PAX6: variants seen among roughly 807,000 people sequenced by gnomAD.
The protein encoded by PAX6 is paired box protein Pax-6.
PAX6 carries 7 observed loss-of-function variants against 60.7 expected under a neutral mutation model. The observed-to-expected ratio is 0.12, with a 90% CI of 0.07 to 0.22. The LOEUF (loss-of-function observed/expected upper bound fraction) is 0.22. Among genes scored for constraint, PAX6 ranks in the 10% least tolerant of loss-of-function variants. The probability of loss-of-function intolerance (pLI) is 1.00; values close to 1 mark genes in which losing one functional copy is unlikely to be tolerated. For synonymous variants in PAX6, 208 were observed against 201.2 expected, an observed-to-expected ratio of 1.03 and a Z score of -0.29; for missense variants, 355 against 555.2, an observed-to-expected ratio of 0.64 and a Z score of 3.62.
At chr11:31,797,507 G>GA (rs36004875) in intron 8 of PAX6, among the ~76,000 whole-genome samples, 76,003 of 101,268 alleles carry the variant, frequency 0.75, 28,576 homozygotes, top group East Asian at 0.84. Context: ...TTTAAATCTG[G>GA]AAAAAAAAAA....
upstream of PAX6, chr11:31,814,252 T>G (rs1436413234): frequency 6.6e-6 from 1 of 152,190 alleles, no homozygotes; most frequent in East Asian, 1.9e-4. Context: ...GGAGTCCCGC[T>G]GGGGGACCGT....
At chr11:31,814,132 C>T (rs1163839767), upstream of PAX6, 1 of 152,136 alleles carries the variant, frequency 6.6e-6, no homozygotes, top group Admixed American at 6.5e-5. Context: ...CCTGTTCCCC[C>T]CTACCCTCCG....
At chr11:31,810,786 T>C in intron 2 of PAX6, 42 bp downstream of exon 2, 2 of 399,036 alleles carry the variant, frequency 5.0e-6, no homozygotes, top group Non-Finnish European at 8.8e-6. Flanking sequence ...CCTGTCTGAA[T>C]ATTGCAATAA....
In PAX6 at chr11:31,789,451, T is replaced by A. The variant is rs1949070421; in HGVS notation, c.*483A>T. ...GCATGTTGTTCCAGGTTTAATTATA[T>A]GCAAAGGAATGATACAAACTTGGAA... On this transcript the variant is annotated 3_prime_UTR_variant, in exon 14 of 14. Coordinates refer to ENST00000640368, the MANE Select transcript of PAX6 (RefSeq NM_001368894.2). 2.2e-6 allele frequency: 1 copy of A among 451,380 alleles called. No individual in the cohort carries two copies. The highest frequency in any genetic ancestry group is 3.9e-6 in the Non-Finnish European group (1 of 257,952). 28.0% of individuals were successfully genotyped at this position (451,380 alleles called of 1,614,324 possible).
At chr11:31,803,489 T>C (rs913317211) in intron 4 of PAX6, 9 of 153,526 alleles carry the variant, frequency 5.9e-5, no homozygotes, top group African/African-American at 2.2e-4. Flanking sequence ...AAGCATCGAG[T>C]TGGGTTTTGT....
At chr11:31,810,320 A>G (rs1025406432) in intron 2 of PAX6, 1 of 152,172 alleles carries the variant, frequency 6.6e-6, no homozygotes, top group Non-Finnish European at 1.5e-5. Context: ...CGCGGCGAGC[A>G]GGTTCCCTCG....
At chr11:31,810,230 C>G (rs1010844785) in intron 2 of PAX6, 2 of 152,322 alleles carry the variant, frequency 1.3e-5, no homozygotes, top group Admixed American at 1.3e-4. Context: ...GTGCCCCCCT[C>G]GGCGCTCGAG....
intron 12 of PAX6, chr11:31,792,456 A>G (rs1950225287): frequency 1.3e-5 from 2 of 152,258 alleles, no homozygotes; most frequent in Non-Finnish European, 2.9e-5. Flanking sequence ...TTTGAAATCC[A>G]GCAAAAAATG....
At chr11:31,800,972 C>A (rs765958782) in intron 7 of PAX6, 116 bp from the exon 8 acceptor site, 248 of 1,082,360 alleles carry the variant, frequency 2.3e-4, no homozygotes, top group Non-Finnish European at 3.2e-4. Flanking sequence ...AAGCTCCCAG[C>A]CACCCCGGGA....
chr11:31,816,407 G>C, intron 1 of PAX6: 1 of 619,960 alleles, frequency 1.6e-6, no homozygotes, highest in East Asian at 2.8e-5. Context: ...GGCTCGCCCT[G>C]GGCGCGGAGC....
At chr11:31,790,108 A>AAAT in intron 13 of PAX6, 89 bp from the exon 14 acceptor site, 1 of 794,468 alleles carries the variant, frequency 1.3e-6, no homozygotes, top group South Asian at 1.6e-5. Context: ...AAAAAAAAAA[A>AAAT]AAAAAAAAAA....
chr11:31,800,741 G>T lies in PAX6; in HGVS notation c.515C>A (p.Thr172Asn). The T allele has an allele frequency of 1.9e-6, 3 of 1,614,192 alleles. No individual in the cohort carries two copies. The highest frequency in any genetic ancestry group is 2.5e-6 in the Non-Finnish European group (3 of 1,180,036). Residue 172 changes from threonine to asparagine, a missense_variant, in exon 8 of 14, where the codon ACC becomes AAC. Physicochemically the swap from Thr to Asn is moderately conservative, Grantham distance 65. Coordinates refer to ENST00000640368, the MANE Select transcript of PAX6 (RefSeq NM_001368894.2). ...MLNGQTGSWG[T>N]RPGWYPGTSV... is the part of the protein sequence containing the mutation. ...AGTCCCCGGATACCAACCAGGGCGGGTGCCCCAGCTTCCGGTCTGCCCGTT... is the reference window on the plus strand; with the variant it reads ...AGTCCCCGGATACCAACCAGGGCGGTTGCCCCAGCTTCCGGTCTGCCCGTT...
chr11:31,800,706 C>T lies in PAX6; in HGVS notation c.550G>A (p.Gly184Arg). ...TGGGTTTTACCTTGCGTAGGTTGCC[C>T]TGGCACCGAAGTCCCCGGATACCAA... The part of the protein sequence containing the change: ...PGWYPGTSVP[G>R]QPTQDGCQQQ... The change falls in exon 8 of 14, where the codon GGG (glycine) becomes AGG (arginine). Residue 184 changes from glycine (G) to arginine (R), a missense_variant. Around this residue, in one of 5 missense-constraint regions of PAX6, gnomAD observed 143 missense variants for 183.6 expected, o/e 0.78. Transcript: ENST00000640368. The T allele has an allele frequency of 6.2e-7, 1 of 1,614,230 alleles. No individual in the cohort carries two copies. The highest frequency in any genetic ancestry group is 8.5e-7 in the Non-Finnish European group (1 of 1,180,036).
At chr11:31,804,917 C>G (rs1395989727) in intron 4 of PAX6, 1 of 152,466 alleles carries the variant, frequency 6.6e-6, no homozygotes, top group Non-Finnish European at 1.5e-5. Flanking sequence ...AGCGCCACTC[C>G]CAGCATCGAA....
At chr11:31,799,232 C>T (rs1952726411) in intron 8 of PAX6, among the ~76,000 whole-genome samples, 1 of 152,058 alleles carries the variant, frequency 6.6e-6, no homozygotes, top group Non-Finnish European at 1.5e-5. Flanking sequence ...TCACCAGAGG[C>T]GGGAGCGGGC....
At position 31,810,895 on chromosome 11, in the gene PAX6, T is replaced by G; in HGVS notation, c.-196A>C. 2.5e-6 allele frequency: 1 copy of G among 399,220 alleles called. No individual in the cohort carries two copies. The highest frequency in any genetic ancestry group is 4.4e-6 in the Non-Finnish European group (1 of 226,124). 24.7% of individuals were successfully genotyped at this position (399,220 alleles called of 1,614,324 possible). On this transcript the variant is annotated 5_prime_UTR_variant, in exon 2 of 14. Transcript: ENST00000640368. Reference sequence around the variant, plus strand: ...AGTTTTGTTTGGTTGGGGTTTTTTGTGCTGCTGTTGTTGCTTGAAGACCAC... The same window carrying G: ...AGTTTTGTTTGGTTGGGGTTTTTTGGGCTGCTGTTGTTGCTTGAAGACCAC...
Position 31,801,603 on chromosome 11 carries a change from T to C in PAX6, c.357A>G (p.Arg119=). ...TGGTACAGACCCCCTCGGACAGTAA[T>C]CTGTCTCGGATTTCCCAAGCAAAGA... is the stretch of plus-strand genomic sequence containing the variant. ...PSIFAWEIRD[R]LLSEGVCTND... The change falls in exon 7 of 14, where the codon AGA becomes AGG. Residue 119 remains arginine (R), a synonymous_variant. Coordinates refer to ENST00000640368, the MANE Select transcript of PAX6 (RefSeq NM_001368894.2). The C allele has an allele frequency of 6.2e-7, 1 of 1,614,118 alleles. No homozygotes were observed. The highest frequency in any genetic ancestry group is 1.7e-5 in the Admixed American group (1 of 60,016).
At chr11:31,798,313 G>C (rs917014011) in intron 8 of PAX6, among the ~76,000 whole-genome samples, 2 of 152,182 alleles carry the variant, frequency 1.3e-5, no homozygotes, top group Non-Finnish European at 2.9e-5. Context: ...GTTGTTGTCA[G>C]CCCACGTCGT....
chr11:31,800,981 G>A (rs1953636879), intron 7 of PAX6, 125 bp from the exon 8 acceptor site: 8 of 991,152 alleles, frequency 8.1e-6, no homozygotes, highest in African/African-American at 1.6e-5. Context: ...GCCACCCCGG[G>A]ACAGTGGGTG....
Sources: gnomAD v4.1 joint callset for allele counts (sites outside exome capture counted in the v4.1 genomes callset) on GRCh38, gnomAD v4.1.1 for gene constraint, gnomAD v4.1.1 regional missense constraint, MANE v1.5 for transcripts, NCBI Gene and HGNC (gene_info 2026-07-23, HGNC 2026-07-21) for gene names.